Variants in CNTN5 observed in about 807,000 individuals in gnomAD.
CNTN5 encodes the protein contactin 5.
A neutral mutation model predicts 129.1 loss-of-function variants in CNTN5; 77 were observed. That is an observed-to-expected ratio of 0.60 (90% CI 0.50 to 0.72). The LOEUF is 0.72. Among genes scored for constraint, CNTN5 ranks in the 30% least tolerant of loss-of-function variants. The pLI is 0.00. For missense variants in CNTN5, 1,478 were observed against 1,328.8 expected, an observed-to-expected ratio of 1.11 and a Z score of -1.75; for synonymous variants, 509 against 465.6, an observed-to-expected ratio of 1.09 and a Z score of -1.20.
At chr11:100,285,520 T>C (rs1458691310) in intron 18 of CNTN5, among the ~76,000 whole-genome samples, 1 of 152,210 alleles carries the variant, frequency 6.6e-6, no homozygotes, top group East Asian at 1.9e-4. Context: ...ATTAGTACTA[T>C]TTCTCAATAT....
intron 1 of CNTN5, among the ~76,000 whole-genome samples, chr11:99,214,956 C>G (rs1860045033): frequency 6.6e-6 from 1 of 151,936 alleles, no homozygotes; most frequent in African/African-American, 2.4e-5. Flanking sequence ...TTAGACTCCT[C>G]TGACTGAAAG....
chr11:99,511,649 A>G (rs1330209479), intron 2 of CNTN5, among the ~76,000 whole-genome samples: 1 of 151,870 alleles, frequency 6.6e-6, no homozygotes, highest in Non-Finnish European at 1.5e-5. Context: ...GGGGTGTTAA[A>G]GTCTCCCATT....
chr11:99,149,527 C>A (rs546405366), intron 1 of CNTN5, among the ~76,000 whole-genome samples: 1 of 151,678 alleles, frequency 6.6e-6, no homozygotes, highest in East Asian at 1.9e-4. Context: ...TCACATATAC[C>A]ACAACTGTCA....
intron 8 of CNTN5, among the ~76,000 whole-genome samples, chr11:99,982,135 C>T (rs1366812775): frequency 1.3e-5 from 2 of 152,122 alleles, no homozygotes; most frequent in African/African-American, 2.4e-5. Context: ...CTGATAACTT[C>T]AGTGAATGAC....
At chr11:100,197,469 G>C (rs1591382355) in intron 15 of CNTN5, among the ~76,000 whole-genome samples, 1 of 152,088 alleles carries the variant, frequency 6.6e-6, no homozygotes, top group Admixed American at 6.6e-5. Flanking sequence ...CGTTGTAAGT[G>C]TTGACCTTAA....
At position 100,086,382 on chromosome 11, in the gene CNTN5, T is replaced by TA. The variant is rs1383488932; in HGVS notation, c.1580+12097dup. On this transcript the variant is annotated intron_variant, in intron 13 of 24. Transcript: ENST00000524871. ...AAGGAAACTTCTGGTATCAAAACAATAAAAAAAAAGAAAAATTTTTAGTGC... is the reference window on the plus strand; with the variant it reads ...AAGGAAACTTCTGGTATCAAAACAATAAAAAAAAAAGAAAAATTTTTAGTGC... Among the ~76,000 whole-genome samples the TA allele has an allele frequency of 2.3e-4, 34 of 147,210 alleles. No individual in the cohort carries two copies. The East Asian group carries it at 3.0e-3, about 13-fold the overall frequency.
intron 1 of CNTN5, among the ~76,000 whole-genome samples, chr11:99,045,788 A>G (rs1864180173): frequency 6.6e-6 from 1 of 152,198 alleles, no homozygotes; most frequent in Non-Finnish European, 1.5e-5. Flanking sequence ...AACATAATTT[A>G]AAGAAATCTC....
chr11:99,408,503 A>T (rs61892051), intron 2 of CNTN5, among the ~76,000 whole-genome samples: 7,632 of 144,182 alleles, frequency 0.053, 215 homozygotes, highest in East Asian at 0.14. Context: ...AGAAAGAAAG[A>T]AAGTTAGTTC....
At chr11:100,001,823 T>C (rs1056966139) in intron 8 of CNTN5, among the ~76,000 whole-genome samples, 1 of 152,234 alleles carries the variant, frequency 6.6e-6, no homozygotes, top group African/African-American at 2.4e-5. Context: ...ATAATGAACA[T>C]GCATGTAATC....
intron 1 of CNTN5, among the ~76,000 whole-genome samples, chr11:99,174,262 G>A (rs1186115900): frequency 1.3e-5 from 2 of 152,186 alleles, no homozygotes; most frequent in Non-Finnish European, 2.9e-5. Context: ...GCCTCCCAAA[G>A]TGCTGGGATT....
intron 21 of CNTN5, among the ~76,000 whole-genome samples, chr11:100,316,802 T>C (rs1951581131): frequency 6.6e-6 from 1 of 152,216 alleles, no homozygotes; most frequent in African/African-American, 2.4e-5. Context: ...ATCTTTTTAA[T>C]AGCTGGACTC....
At chr11:99,640,086 A>G (rs953645064) in intron 3 of CNTN5, among the ~76,000 whole-genome samples, 1 of 152,124 alleles carries the variant, frequency 6.6e-6, no homozygotes, top group Non-Finnish European at 1.5e-5. Context: ...TCATATTACT[A>G]TCAGCATTTT....
intron 1 of CNTN5, among the ~76,000 whole-genome samples, chr11:99,167,960 G>A (rs1190538259): frequency 6.7e-6 from 1 of 149,026 alleles, no homozygotes; most frequent in Non-Finnish European, 1.5e-5. Flanking sequence ...TTTGGAGATA[G>A]CATGTCAATC....
At chr11:99,308,505 C>T (rs1864967278) in intron 1 of CNTN5, among the ~76,000 whole-genome samples, 1 of 152,044 alleles carries the variant, frequency 6.6e-6, no homozygotes, top group African/African-American at 2.4e-5. Flanking sequence ...GAATTGACTT[C>T]TGAGGCTAGG....
chr11:99,082,467 G>C lies in CNTN5; in HGVS notation c.-210+61197G>C, dbSNP rs1243479516. ...CAAAGTGCTGGAATTACAGGCGTGA[G>C]CCACCACGCCAGGCCAAAAACAGAT... On this transcript the variant is annotated intron_variant, in intron 1 of 24. Transcript: ENST00000524871. Among the ~76,000 whole-genome samples the C allele has an allele frequency of 4.6e-5, 7 of 152,174 alleles. No homozygotes were observed. In the East Asian group the frequency reaches 1.2e-3, roughly 25 times the overall value.
chr11:99,366,134 C>T (rs890276468), intron 2 of CNTN5, among the ~76,000 whole-genome samples: 7 of 152,114 alleles, frequency 4.6e-5, no homozygotes, highest in African/African-American at 1.7e-4. Context: ...TTACCGAAAG[C>T]CTTAATATTG....
At chr11:100,127,651 C>CTTTTTTTTTTTTTTTTT (rs66468227) in intron 13 of CNTN5, among the ~76,000 whole-genome samples, 11 of 81,278 alleles carry the variant, frequency 1.4e-4, no homozygotes, top group African/African-American at 2.5e-4. Context: ...TTCTTTCTTT[C>CTTTTTTTTTTTTTTTTT]TTTTTTTTTT....
intron 7 of CNTN5, among the ~76,000 whole-genome samples, chr11:99,922,090 G>T (rs529032950): frequency 3.9e-4 from 59 of 152,250 alleles, no homozygotes; most frequent in African/African-American, 1.4e-3. Context: ...AAGAAAAAGA[G>T]GTTTAATGGA....
At chr11:99,171,540 A>C (rs1210142079) in intron 1 of CNTN5, among the ~76,000 whole-genome samples, 2 of 152,072 alleles carry the variant, frequency 1.3e-5, no homozygotes, top group African/African-American at 4.8e-5. Context: ...TACCTGCTCT[A>C]TGTCCTGTTT....
Sources: allele counts gnomAD v4.1 joint callset (sites outside exome capture counted in the v4.1 genomes callset), GRCh38; gene constraint gnomAD v4.1.1; transcripts MANE v1.5; gene names NCBI Gene and HGNC (gene_info 2026-07-23, HGNC 2026-07-21).